The following NUBPL variants were observed in gnomAD, a reference collection of about 807,000 sequenced individuals.
The protein encoded by NUBPL is NUBP iron-sulfur cluster assembly factor, mitochondrial, also known as iron-sulfur cluster transfer protein NUBPL.
A neutral mutation model predicts 45.7 loss-of-function variants in NUBPL; 31 were observed. That is an observed-to-expected ratio of 0.68 (90% confidence interval 0.51 to 0.92). The LOEUF (loss-of-function observed/expected upper bound fraction) is 0.92. NUBPL is among the 40% of genes least tolerant of loss of function. The pLI, the probability that NUBPL is intolerant of heterozygous loss-of-function variation, is 0.00. For missense variants in NUBPL, 401 were observed against 398.7 expected (o/e 1.01, Z -0.05); for synonymous variants, 144 against 140.9 (o/e 1.02, Z -0.15).
At chr14:31,793,157 T>G (rs2039413490) in intron 7 of NUBPL, among the ~76,000 whole-genome samples, 2 of 152,182 alleles carry the variant, frequency 1.3e-5, no homozygotes, top group African/African-American at 4.8e-5. Flanking sequence ...AATATCCTTG[T>G]AATTTGATCT....
intron 4 of NUBPL, among the ~76,000 whole-genome samples, chr14:31,605,238 G>T (rs988077154): frequency 1.3e-5 from 2 of 152,138 alleles, no homozygotes; most frequent in Non-Finnish European, 2.9e-5. Flanking sequence ...AATGGCTGTT[G>T]CACAAGAGAG....
At position 31,788,009 on chromosome 14, in the gene NUBPL, C is replaced by G. The variant is rs530260416; in HGVS notation, c.607+136C>G. On this transcript the variant is annotated intron_variant, in intron 7 of 10. Coordinates refer to ENST00000281081, the MANE Select transcript of NUBPL (RefSeq NM_025152.3). ...CACTTATAAATTTTTCATTAGAGATCAGAAGCATAAATTATTCAAAATATT... is the reference window on the plus strand; with the variant it reads ...CACTTATAAATTTTTCATTAGAGATGAGAAGCATAAATTATTCAAAATATT... The G allele has an allele frequency of 2.8e-5, 18 of 641,872 alleles. 1 individual carries two copies. Among genetic ancestry groups the G allele is most frequent in the Middle Eastern group, 8.5e-4 (2 of 2,360 alleles). The allele number at this position is 641,872 out of a possible 1,614,324, so 39.8% of individuals were successfully genotyped here.
intron 4 of NUBPL, among the ~76,000 whole-genome samples, chr14:31,622,979 G>A (rs889552751): frequency 4.6e-5 from 7 of 152,220 alleles, no homozygotes; most frequent in Admixed American, 1.3e-4. Flanking sequence ...TGGGAAAGCC[G>A]TAGTCACTCA....
At chr14:31,598,162 GAT>G (rs777532700) in intron 3 of NUBPL, among the ~76,000 whole-genome samples, 2 of 152,006 alleles carry the variant, frequency 1.3e-5, no homozygotes, top group African/African-American at 4.8e-5. Context: ...GAGTCATACA[GAT>G]ATATATATGT....
intron 4 of NUBPL, among the ~76,000 whole-genome samples, chr14:31,605,603 A>G (rs1370464553): frequency 6.6e-6 from 1 of 152,182 alleles, no homozygotes; most frequent in African/African-American, 2.4e-5. Context: ...ATTAATGTGT[A>G]TGTAGGCTTC....
intron 4 of NUBPL, among the ~76,000 whole-genome samples, chr14:31,625,346 C>G (rs183657056): frequency 2.6e-4 from 39 of 152,152 alleles, no homozygotes; most frequent in African/African-American, 9.2e-4. Context: ...TTGTGCTTCT[C>G]GAAGCAACAT....
chr14:31,709,063 G>A (rs2037514638), intron 6 of NUBPL, among the ~76,000 whole-genome samples: 1 of 152,010 alleles, frequency 6.6e-6, no homozygotes, highest in African/African-American at 2.4e-5. Flanking sequence ...TTTCCTTTTG[G>A]GCCTGTTCCT....
intron 2 of NUBPL, among the ~76,000 whole-genome samples, chr14:31,563,370 A>G (rs572726636): frequency 4.5e-4 from 68 of 152,176 alleles, no homozygotes; most frequent in Non-Finnish European, 8.4e-4. Flanking sequence ...TTGGAAGATG[A>G]TTGTTGCCAT....
chr14:31,797,486 TA>T, intron 7 of NUBPL, among the ~76,000 whole-genome samples: 1 of 48,846 alleles, frequency 2.0e-5, no homozygotes, highest in Non-Finnish European at 3.3e-5. Context: ...TACCATTACG[TA>T]ATGGCCTTCT....
intron 7 of NUBPL, among the ~76,000 whole-genome samples, chr14:31,804,401 T>C (rs183953805): frequency 2.0e-5 from 3 of 152,134 alleles, no homozygotes; most frequent in Non-Finnish European, 2.9e-5. Flanking sequence ...AGGAGCAGGA[T>C]TTTAAAAGCT....
intron 8 of NUBPL, among the ~76,000 whole-genome samples, chr14:31,843,371 C>G (rs1200218671): frequency 2.0e-5 from 3 of 152,158 alleles, no homozygotes; most frequent in Admixed American, 6.5e-5. Context: ...CTCTCATGAT[C>G]AGTTTTGGAG....
At chr14:31,787,624 C>T (rs569612697) in intron 6 of NUBPL, among the ~76,000 whole-genome samples, 156 bp from the exon 7 acceptor site, 1 of 152,300 alleles carries the variant, frequency 6.6e-6, no homozygotes, top group Admixed American at 6.5e-5. Context: ...ATTTATTCAT[C>T]CATGTATCCT....
chr14:31,627,690 C>T (rs1036508494), intron 4 of NUBPL, among the ~76,000 whole-genome samples: 2 of 147,968 alleles, frequency 1.4e-5, no homozygotes, highest in East Asian at 2.0e-4. Context: ...GGCATGAACC[C>T]GGGAGGCAGA....
chr14:31,724,771 G>C (rs1474076888), intron 6 of NUBPL, among the ~76,000 whole-genome samples: 1 of 152,182 alleles, frequency 6.6e-6, no homozygotes, highest in South Asian at 2.1e-4. Context: ...TGGTGGTAGA[G>C]ACAGAAACAA....
chr14:31,626,334 T>G (rs922340473), intron 4 of NUBPL, among the ~76,000 whole-genome samples: 2 of 151,968 alleles, frequency 1.3e-5, no homozygotes, highest in African/African-American at 4.8e-5. Flanking sequence ...TAGAGACGGG[T>G]TCACCATGTT....
intron 4 of NUBPL, among the ~76,000 whole-genome samples, chr14:31,617,608 G>A (rs142802742): frequency 1.5e-3 from 223 of 152,312 alleles, no homozygotes; most frequent in Middle Eastern, 0.014. Context: ...AACCAGCCTT[G>A]CATCTCAGGG....
At position 31,850,211 on chromosome 14, in the gene NUBPL, A is replaced by C; in HGVS notation, c.897+10A>C. ...GCCTGAAAGTGATGAGGTAAGTTCC[A>C]TTTTTGGATACATATTTTTATTTCT... On this transcript the variant is annotated intron_variant, in intron 10 of 10. Coordinates refer to ENST00000281081, the MANE Select transcript of NUBPL (RefSeq NM_025152.3). 6.3e-7 allele frequency: 1 copy of C among 1,599,208 alleles called. No homozygotes were observed. Among genetic ancestry groups the C allele is most frequent in the Non-Finnish European group, 8.6e-7 (1 of 1,166,618 alleles).
At chr14:31,705,585 C>T (rs2037431739) in intron 6 of NUBPL, among the ~76,000 whole-genome samples, 1 of 151,762 alleles carries the variant, frequency 6.6e-6, no homozygotes, top group Non-Finnish European at 1.5e-5. Flanking sequence ...CTCCAAGTCC[C>T]CTACCCAATT....
chr14:31,831,033 C>A (rs2040180648), intron 8 of NUBPL, among the ~76,000 whole-genome samples: 1 of 133,456 alleles, frequency 7.5e-6, no homozygotes, highest in Non-Finnish European at 1.7e-5. Flanking sequence ...GTGCCCTAAT[C>A]CTTTTTATTT....
Sources: allele counts gnomAD v4.1 joint callset (sites outside exome capture counted in the v4.1 genomes callset), GRCh38; gene constraint gnomAD v4.1.1; transcripts MANE v1.5; gene names NCBI Gene and HGNC (gene_info 2026-07-23, HGNC 2026-07-21).